TMEM260: variants seen among roughly 807,000 people sequenced by gnomAD.
TMEM260 encodes transmembrane protein 260.
Under a neutral mutation model 88.9 loss-of-function variants are expected in TMEM260, and 82 were observed. The observed-to-expected ratio is 0.92, with a 90% CI of 0.77 to 1.11. The LOEUF (loss-of-function observed/expected upper bound fraction) is 1.11. Ranked by LOEUF, TMEM260 falls within the 50% of genes least tolerant of loss-of-function variation. TMEM260 has a pLI of 0.00. For synonymous variants in TMEM260, 314 were observed against 309.3 expected (o/e 1.02, Z -0.16); for missense variants, 902 against 853.4 (o/e 1.06, Z -0.71).
intron 15 of TMEM260, among the ~76,000 whole-genome samples, chr14:56,644,481 T>TA (rs1476773723): frequency 6.6e-6 from 1 of 151,996 alleles, no homozygotes; most frequent in East Asian, 1.9e-4. Flanking sequence ...ATCCCTTCCT[T>TA]ACACCTTATA....
the TMEM260 span, among the ~76,000 whole-genome samples, chr14:56,657,301 C>CT: frequency 6.9e-6 from 1 of 145,402 alleles, no homozygotes; most frequent in Non-Finnish European, 1.5e-5. Flanking sequence ...CATTTATTCA[C>CT]TTTTTTTTTT....
chr14:56,629,708 CT>C (rs932454674), intron 12 of TMEM260, among the ~76,000 whole-genome samples: 15 of 152,064 alleles, frequency 9.9e-5, no homozygotes, highest in Admixed American at 1.3e-4. Flanking sequence ...GAAATAGATT[CT>C]GGGTTGATAA....
intron 3 of TMEM260, among the ~76,000 whole-genome samples, chr14:56,588,233 C>T (rs1481657007): frequency 2.0e-5 from 3 of 152,020 alleles, no homozygotes; most frequent in African/African-American, 7.2e-5. Flanking sequence ...TTACTGTACA[C>T]GTAGGATTAG....
intron 3 of TMEM260, among the ~76,000 whole-genome samples, chr14:56,596,304 A>G (rs1257939630): frequency 6.6e-6 from 1 of 151,280 alleles, no homozygotes; most frequent in Non-Finnish European, 1.5e-5. Flanking sequence ...GTCTTAAATA[A>G]TATATATATG....
intron 12 of TMEM260, among the ~76,000 whole-genome samples, chr14:56,630,379 A>T (rs1292368087): frequency 6.6e-6 from 1 of 152,042 alleles, no homozygotes; most frequent in Non-Finnish European, 1.5e-5. Context: ...TGAGACTCTG[A>T]TGAAATGAAT....
intron 3 of TMEM260, among the ~76,000 whole-genome samples, chr14:56,592,547 CTGGAGAGAGAAATACA>C (rs1164724610): frequency 6.6e-6 from 1 of 152,104 alleles, no homozygotes; most frequent in Non-Finnish European, 1.5e-5. Context: ...TCCAGGTAGA[CTGGAGAGAGAAATACA>C]TGGTGTTGAT....
intron 12 of TMEM260, among the ~76,000 whole-genome samples, chr14:56,627,965 C>T (rs924986967): frequency 5.3e-5 from 8 of 152,194 alleles, no homozygotes; most frequent in Non-Finnish European, 1.0e-4. Context: ...ATTATTATAG[C>T]TTTACCTTTT....
chr14:56,632,800 C>T (rs1888716844), intron 12 of TMEM260, among the ~76,000 whole-genome samples, 195 bp from the exon 13 acceptor site: 1 of 152,070 alleles, frequency 6.6e-6, no homozygotes. Context: ...TAGTCTTCAA[C>T]AGTTCTGAAA....
chr14:56,601,036 C>G (rs1886540008), intron 3 of TMEM260, among the ~76,000 whole-genome samples: 1 of 152,144 alleles, frequency 6.6e-6, no homozygotes, highest in Non-Finnish European at 1.5e-5. Context: ...GACCTTGCTG[C>G]TATGGGATTA....
At chr14:56,639,162 G>A (rs974033923) in intron 15 of TMEM260, among the ~76,000 whole-genome samples, 2 of 152,104 alleles carry the variant, frequency 1.3e-5, no homozygotes, top group African/African-American at 2.4e-5. Context: ...GCAGGGTGGT[G>A]GGTTGGGGAT....
chr14:56,596,168 A>T (rs1886192133), intron 3 of TMEM260, among the ~76,000 whole-genome samples: 1 of 152,052 alleles, frequency 6.6e-6, no homozygotes, highest in African/African-American at 2.4e-5. Flanking sequence ...AGTTTAAAAA[A>T]ATATTTCTTT....
In TMEM260 at chr14:56,645,767, A is replaced by G. The variant is rs541304821; in HGVS notation, c.1870-1476A>G. Among the ~76,000 whole-genome samples the G allele has an allele frequency of 7.2e-5, 11 of 152,356 alleles. No individual in the cohort carries two copies. In the South Asian group the frequency reaches 1.5e-3, roughly 20 times the overall value. On this transcript the variant is annotated intron_variant, in intron 15 of 15. Transcript: ENST00000261556. ...GAATGCCTGCTTTGTGTGAGGCAAC[A>G]TGCTACAGCCTTTACACCCGTGTCT...
chr14:56,594,140 A>G (rs1212188791), intron 3 of TMEM260, among the ~76,000 whole-genome samples: 2 of 152,268 alleles, frequency 1.3e-5, no homozygotes, highest in East Asian at 1.9e-4. Flanking sequence ...ATTTGAAGGA[A>G]TACCTCATTT....
At chr14:56,612,585 T>C (rs74244837) in intron 7 of TMEM260, 3,835 of 342,972 alleles carry the variant, frequency 0.011, 130 homozygotes, top group East Asian at 0.086. Flanking sequence ...CTCTAGATAA[T>C]TTATACCTAG....
intron 15 of TMEM260, among the ~76,000 whole-genome samples, chr14:56,638,583 T>G (rs577679445): frequency 2.0e-5 from 3 of 152,112 alleles, no homozygotes; most frequent in Non-Finnish European, 4.4e-5. Context: ...GAATACAGAT[T>G]ATTGGTATCT....
intron 5 of TMEM260, among the ~76,000 whole-genome samples, chr14:56,606,630 G>A (rs1355512187): frequency 6.6e-6 from 1 of 152,152 alleles, no homozygotes; most frequent in African/African-American, 2.4e-5. Flanking sequence ...AGTGGTTCAC[G>A]CCTGTAATCC....
In TMEM260 at chr14:56,621,474, T is replaced by G. The variant is rs1887912655; in HGVS notation, c.1227-57T>G. 5 of 1,358,586 alleles carry G rather than the reference T, an allele frequency of 3.7e-6. No homozygotes were observed. In the South Asian group the frequency reaches 7.4e-5, roughly 20 times the overall value. 84.2% of individuals were successfully genotyped at this position (1,358,586 alleles called of 1,614,324 possible). On this transcript the variant is annotated intron_variant, in intron 10 of 15. Coordinates refer to ENST00000261556, the MANE Select transcript of TMEM260 (RefSeq NM_017799.4). ...AATGGCATAGAAAATAAGCCTAGTC[T>G]TATTAAAACTGTAGCAAAGTGTTGC... is the stretch of plus-strand genomic sequence containing the variant.
chr14:56,654,302 TC>T (rs1414644916), downstream of TMEM260, among the ~76,000 whole-genome samples: 1 of 152,184 alleles, frequency 6.6e-6, no homozygotes, highest in Non-Finnish European at 1.5e-5. Context: ...TAAATTACAT[TC>T]CAGCTGAATC....
chr14:56,651,305 C>T (rs1303523544), downstream of TMEM260, among the ~76,000 whole-genome samples: 2 of 149,776 alleles, frequency 1.3e-5, no homozygotes, highest in African/African-American at 5.0e-5. Flanking sequence ...AGGAATATAT[C>T]CTGAAAAAGG....
Sources: allele counts gnomAD v4.1 joint callset (sites outside exome capture counted in the v4.1 genomes callset), GRCh38; gene constraint gnomAD v4.1.1; transcripts MANE v1.5; gene names NCBI Gene and HGNC (gene_info 2026-07-23, HGNC 2026-07-21).